AUTS2: variants seen among roughly 807,000 people sequenced by gnomAD.
The protein encoded by AUTS2 is autism susceptibility gene 2 protein.
AUTS2 carries 17 observed loss-of-function variants against 112.4 expected under a neutral mutation model. That is an observed-to-expected ratio of 0.15 (90% CI 0.10 to 0.23). AUTS2 has a LOEUF of 0.23. AUTS2 is among the 10% of genes least tolerant of loss of function. The pLI is 1.00. For missense variants in AUTS2, 1,510 were observed against 1,701.6 expected, an observed-to-expected ratio of 0.89 and a Z score of 1.98; for synonymous variants, 751 against 702.7, an observed-to-expected ratio of 1.07 and a Z score of -1.09.
At chr7:69,766,537 A>C (rs916954866) in intron 1 of AUTS2, among the ~76,000 whole-genome samples, 2 of 152,148 alleles carry the variant, frequency 1.3e-5, no homozygotes, top group African/African-American at 4.8e-5. Flanking sequence ...GTTTTCCATA[A>C]GCAGCTAGAT....
At chr7:70,695,664 C>T (rs952902599) in intron 5 of AUTS2, among the ~76,000 whole-genome samples, 1 of 152,258 alleles carries the variant, frequency 6.6e-6, no homozygotes, top group Admixed American at 6.5e-5. Flanking sequence ...TCTGCACGCA[C>T]GGCTTTTTAT....
chr7:70,012,119 G>A (rs574439181), intron 2 of AUTS2, among the ~76,000 whole-genome samples: 2 of 152,254 alleles, frequency 1.3e-5, no homozygotes, highest in East Asian at 3.9e-4. Context: ...ATGGTGTTGG[G>A]TTCTGACAGT....
intron 1 of AUTS2, among the ~76,000 whole-genome samples, chr7:69,759,474 T>G (rs1363471039): frequency 6.6e-6 from 1 of 152,154 alleles, no homozygotes; most frequent in Non-Finnish European, 1.5e-5. Flanking sequence ...ACTTGTGGTA[T>G]CATAAAAGTT....
chr7:70,457,663 A>G (rs996047539), intron 5 of AUTS2, among the ~76,000 whole-genome samples: 1 of 152,046 alleles, frequency 6.6e-6, no homozygotes, highest in African/African-American at 2.4e-5. Flanking sequence ...GGGGTGGTGG[A>G]GGGAGTGGAA....
intron 4 of AUTS2, among the ~76,000 whole-genome samples, chr7:70,370,577 T>G (rs1425467390): frequency 6.6e-6 from 1 of 152,238 alleles, no homozygotes; most frequent in African/African-American, 2.4e-5. Flanking sequence ...GTTTATCCAT[T>G]CATTAATTGA....
intron 2 of AUTS2, among the ~76,000 whole-genome samples, chr7:70,113,006 A>G (rs1436807444): frequency 6.6e-6 from 1 of 152,082 alleles, no homozygotes; most frequent in Non-Finnish European, 1.5e-5. Flanking sequence ...AAATTTTACT[A>G]ATGGTTAGCT....
At chr7:70,491,263 T>C (rs1798218442) in intron 5 of AUTS2, among the ~76,000 whole-genome samples, 1 of 152,000 alleles carries the variant, frequency 6.6e-6, no homozygotes, top group Non-Finnish European at 1.5e-5. Flanking sequence ...CTATTATTCA[T>C]CTGAGTGTGG....
intron 5 of AUTS2, among the ~76,000 whole-genome samples, chr7:70,538,364 C>A (rs551374741): frequency 6.6e-6 from 1 of 152,210 alleles, no homozygotes; most frequent in African/African-American, 2.4e-5. Context: ...CCCGTCTCTA[C>A]TAAAAATACA....
chr7:70,061,950 G>A (rs1214822551), intron 2 of AUTS2, among the ~76,000 whole-genome samples: 2 of 151,574 alleles, frequency 1.3e-5, no homozygotes, highest in Non-Finnish European at 1.5e-5. Context: ...ACCATGCCCA[G>A]CTAATTTTTC....
At chr7:70,440,256 A>G (rs1796073013) in intron 5 of AUTS2, among the ~76,000 whole-genome samples, 2 of 151,104 alleles carry the variant, frequency 1.3e-5, no homozygotes, top group Non-Finnish European at 3.0e-5. Context: ...AAAATCTTAA[A>G]ACTTAACCAG....
intron 1 of AUTS2, among the ~76,000 whole-genome samples, chr7:69,855,402 C>A (rs555573684): frequency 6.6e-6 from 1 of 152,280 alleles, no homozygotes; most frequent in Non-Finnish European, 1.5e-5. Flanking sequence ...AAACCTGACA[C>A]CTGTAGAGGT....
intron 2 of AUTS2, among the ~76,000 whole-genome samples, chr7:69,916,134 AT>A (rs1431536183): frequency 6.6e-6 from 1 of 152,112 alleles, no homozygotes; most frequent in Non-Finnish European, 1.5e-5. Flanking sequence ...CTATCAAGTT[AT>A]TTTTTTCCCA....
intron 4 of AUTS2, among the ~76,000 whole-genome samples, chr7:70,378,548 T>C (rs1220252341): frequency 6.6e-6 from 1 of 152,228 alleles, no homozygotes; most frequent in Non-Finnish European, 1.5e-5. Context: ...ATCTGTGTGC[T>C]ACAGAAAAGG....
intron 4 of AUTS2, among the ~76,000 whole-genome samples, chr7:70,377,325 AATAT>A (rs58244266): frequency 0.046 from 2,366 of 51,808 alleles, 69 homozygotes; most frequent in African/African-American, 0.05. Flanking sequence ...AACAAATATA[AATAT>A]ATATATATAT....
At chr7:70,683,611 A>C (rs1228048366) in intron 5 of AUTS2, among the ~76,000 whole-genome samples, 1 of 152,272 alleles carries the variant, frequency 6.6e-6, no homozygotes, top group Non-Finnish European at 1.5e-5. Flanking sequence ...GGAAGCATTC[A>C]AGAAAAGCTG....
At chr7:70,444,425 G>A (rs953247354) in intron 5 of AUTS2, among the ~76,000 whole-genome samples, 1 of 151,258 alleles carries the variant, frequency 6.6e-6, no homozygotes, top group Non-Finnish European at 1.5e-5. Flanking sequence ...ACTCCTGGAT[G>A]GCAAGATAGT....
At chr7:70,493,357 G>C (rs1007110640) in intron 5 of AUTS2, among the ~76,000 whole-genome samples, 1 of 152,212 alleles carries the variant, frequency 6.6e-6, no homozygotes, top group Non-Finnish European at 1.5e-5. Flanking sequence ...ATGTACCAAG[G>C]AGCAGCTGGA....
chr7:70,318,386 C>G (rs921235608), intron 4 of AUTS2, among the ~76,000 whole-genome samples: 1 of 151,840 alleles, frequency 6.6e-6, no homozygotes, highest in Middle Eastern at 3.4e-3. Context: ...CAGGACCTAC[C>G]GACTAGACAA....
intron 2 of AUTS2, among the ~76,000 whole-genome samples, chr7:70,105,810 A>G (rs973757886): frequency 9.2e-5 from 14 of 151,460 alleles, no homozygotes; most frequent in Non-Finnish European, 1.9e-4. Context: ...GTAGAGCTAC[A>G]GTGGAGAGAA....
Sources: gnomAD v4.1 joint callset for allele counts (sites outside exome capture counted in the v4.1 genomes callset) on GRCh38, gnomAD v4.1.1 for gene constraint, MANE v1.5 for transcripts, NCBI Gene and HGNC (gene_info 2026-07-23, HGNC 2026-07-21) for gene names.